NEK10: variants seen among roughly 807,000 people sequenced by gnomAD.
NEK10 encodes the protein NIMA related kinase 10.
NEK10 carries 122 observed loss-of-function variants against 159.8 expected under a neutral mutation model. The observed-to-expected ratio is 0.76, with a 90% CI of 0.66 to 0.89. NEK10 has a LOEUF of 0.89. Ranked by LOEUF, NEK10 falls within the 40% of genes least tolerant of loss-of-function variation. NEK10 has a pLI of 0.00. For missense variants in NEK10, 1,342 were observed against 1,323.1 expected (o/e 1.01, Z -0.22); for synonymous variants, 466 against 457.1 (o/e 1.02, Z -0.25).
chr3:27,348,753 C>G (rs546920413), intron 3 of NEK10, among the ~76,000 whole-genome samples: 1 of 152,134 alleles, frequency 6.6e-6, no homozygotes, highest in East Asian at 1.9e-4. Context: ...GTATAGCTTA[C>G]GCAACATCCT....
intron 23 of NEK10, among the ~76,000 whole-genome samples, chr3:27,250,971 T>A (rs537973828): frequency 1.3e-5 from 2 of 152,238 alleles, no homozygotes; most frequent in African/African-American, 2.4e-5. Context: ...TTTAAATGAG[T>A]ACTATCCTTT....
chr3:27,287,236 G>A (rs1433858301), intron 20 of NEK10, among the ~76,000 whole-genome samples: 1 of 151,650 alleles, frequency 6.6e-6, no homozygotes, highest in Non-Finnish European at 1.5e-5. Flanking sequence ...CTGGCTGCCA[G>A]AATCAGTCTG....
At chr3:27,310,720 AG>A (rs1041681163) in intron 9 of NEK10, 4 of 394,786 alleles carry the variant, frequency 1.0e-5, no homozygotes, top group African/African-American at 6.3e-5. Context: ...TAAATGGCAT[AG>A]GAAAAAAAAG....
rs879626520 is a variant in NEK10 at position 27,318,602 on chromosome 3, G to GA, written c.447+3574dup. 4.3e-4 allele frequency among the ~76,000 whole-genome samples: 65 copies of GA among 152,232 alleles called. 1 individual carries two copies. The highest frequency in any genetic ancestry group is 3.2e-3 in the Middle Eastern group (1 of 316). ...GTCATGAGATGTTGTGTAGCTTAGG[G>GA]AAAATCCCACAGCACACATGTAAGA... On this transcript the variant is annotated intron_variant, in intron 6 of 35. Coordinates refer to ENST00000691995, the MANE Select transcript of NEK10 (RefSeq NM_001394966.1).
At chr3:27,334,590 C>T (rs1265991303) in intron 5 of NEK10, among the ~76,000 whole-genome samples, 1 of 152,208 alleles carries the variant, frequency 6.6e-6, no homozygotes, top group Non-Finnish European at 1.5e-5. Context: ...CCAATAATAA[C>T]TACAGCCTAA....
At chr3:27,217,089 G>C (rs1028131897) in intron 23 of NEK10, among the ~76,000 whole-genome samples, 3 of 152,104 alleles carry the variant, frequency 2.0e-5, no homozygotes, top group Admixed American at 1.3e-4. Flanking sequence ...AGAAAATAAG[G>C]ACAATGAAAA....
chr3:27,311,382 G>A (rs1177699225), intron 8 of NEK10: 2 of 165,844 alleles, frequency 1.2e-5, no homozygotes, highest in African/African-American at 2.4e-5. Flanking sequence ...GCCAGCAAAT[G>A]AGAGGAACCT....
chr3:27,162,972 T>G (rs1946153766), intron 29 of NEK10, among the ~76,000 whole-genome samples: 1 of 152,150 alleles, frequency 6.6e-6, no homozygotes, highest in East Asian at 1.9e-4. Flanking sequence ...GCTCTAAGTA[T>G]GACTAAGAGC....
At chr3:27,323,230 A>C (rs1261503896) in intron 5 of NEK10, among the ~76,000 whole-genome samples, 2 of 152,158 alleles carry the variant, frequency 1.3e-5, no homozygotes, top group Non-Finnish European at 2.9e-5. Context: ...TCTGGAATGT[A>C]AGTTACTGCT....
intron 35 of NEK10, among the ~76,000 whole-genome samples, chr3:27,111,886 A>G (rs73153156): frequency 0.1 from 15,925 of 152,214 alleles, 2,770 homozygotes; most frequent in African/African-American, 0.36. Flanking sequence ...GCTTATGTAT[A>G]TAAAACGTAA....
At chr3:27,207,925 A>G (rs897367816) in intron 23 of NEK10, among the ~76,000 whole-genome samples, 2 of 152,198 alleles carry the variant, frequency 1.3e-5, no homozygotes, top group South Asian at 4.1e-4. Context: ...GCCAGTAAGT[A>G]CCATTTATTT....
At chr3:27,175,205 A>T (rs1366934573) in intron 26 of NEK10, among the ~76,000 whole-genome samples, 1 of 152,234 alleles carries the variant, frequency 6.6e-6, no homozygotes, top group Non-Finnish European at 1.5e-5. Flanking sequence ...TCTCAGTACC[A>T]CAGCAAATAA....
intron 29 of NEK10, among the ~76,000 whole-genome samples, chr3:27,167,131 T>C (rs1448496138): frequency 6.6e-6 from 1 of 151,740 alleles, no homozygotes; most frequent in African/African-American, 2.4e-5. Flanking sequence ...CAAGCAGACG[T>C]GGAGAAATCT....
In NEK10 at chr3:27,162,459, A is replaced by G. The variant is rs745758836; in HGVS notation, c.2869+242T>C. ...ACATCAATGTGATCTAGTAAGTACT[A>G]CCATGATCTTTGAGATTTCGAAGAA... On this transcript the variant is annotated intron_variant, in intron 30 of 35. Transcript: ENST00000691995. 2.5e-6 allele frequency: 4 copies of G among 1,614,030 alleles called. No individual in the cohort carries two copies. In the South Asian group the frequency reaches 4.4e-5, roughly 18 times the overall value.
At chr3:27,358,302 C>G (rs999252925) in intron 1 of NEK10, among the ~76,000 whole-genome samples, 10 of 152,058 alleles carry the variant, frequency 6.6e-5, no homozygotes, top group African/African-American at 2.4e-4. Context: ...TTTTGTACAC[C>G]TCAGTCATGG....
chr3:27,318,417 C>G (rs1482725534), intron 6 of NEK10, among the ~76,000 whole-genome samples: 5 of 152,172 alleles, frequency 3.3e-5, no homozygotes. Context: ...TCTCAAACCC[C>G]TTTACACTCT....
chr3:27,167,078 A>G (rs747989789), intron 29 of NEK10, among the ~76,000 whole-genome samples: 19 of 152,202 alleles, frequency 1.2e-4, no homozygotes, highest in Admixed American at 5.9e-4. Flanking sequence ...CAGTGTCTCA[A>G]ACCAGCCTGC....
chr3:27,321,224 T>TAAAGCA (rs2045605709), intron 6 of NEK10, among the ~76,000 whole-genome samples: 1 of 152,136 alleles, frequency 6.6e-6, no homozygotes, highest in East Asian at 1.9e-4. Context: ...AAGCACTATG[T>TAAAGCA]CTTTGCTACT....
At chr3:27,142,688 T>C (rs1943903329) in intron 30 of NEK10, among the ~76,000 whole-genome samples, 1 of 152,228 alleles carries the variant, frequency 6.6e-6, no homozygotes. Context: ...ATAAATATTT[T>C]GTTTTCAAGA....
Sources: allele counts gnomAD v4.1 joint callset (sites outside exome capture counted in the v4.1 genomes callset), GRCh38; gene constraint gnomAD v4.1.1; transcripts MANE v1.5; gene names NCBI Gene and HGNC (gene_info 2026-07-23, HGNC 2026-07-21).